GNG2: variants seen among roughly 807,000 people sequenced by gnomAD.
The protein encoded by GNG2 is G protein subunit gamma 2, also known as guanine nucleotide-binding protein G(I)/G(S)/G(O) subunit gamma-2.
A neutral mutation model predicts 5.5 loss-of-function variants in GNG2; 5 were observed. The ratio of observed to expected loss-of-function variants is 0.91; its 90% CI spans 0.48 to 1.92. The LOEUF (loss-of-function observed/expected upper bound fraction) is 1.92, where lower values mean the gene tolerates loss of function less well. GNG2 is among the 30% of genes most tolerant of loss of function. The pLI is 0.01. For missense variants in GNG2, 55 were observed against 88.4 expected, an observed-to-expected ratio of 0.62 and a Z score of 1.52; for synonymous variants, 28 against 32.0, an observed-to-expected ratio of 0.88 and a Z score of 0.42.
intron 2 of GNG2, chr14:51,827,937 G>A: frequency 1.7e-6 from 1 of 590,706 alleles, no homozygotes; most frequent in Non-Finnish European, 3.0e-6. Context: ...GACTCAGGAG[G>A]GAGCATAAAG....
chr14:51,835,287 C>T (rs1566639038), intron 2 of GNG2, among the ~76,000 whole-genome samples: 1 of 152,224 alleles, frequency 6.6e-6, no homozygotes, highest in Non-Finnish European at 1.5e-5. Flanking sequence ...AAAGACTGGG[C>T]ATCTAGGCTT....
chr14:51,939,299 T>C (rs1436223397), intron 2 of GNG2, among the ~76,000 whole-genome samples: 1 of 152,220 alleles, frequency 6.6e-6, no homozygotes, highest in Non-Finnish European at 1.5e-5. Flanking sequence ...TCGTTTCATT[T>C]TACAAAATTT....
chr14:51,951,942 CA>C (rs1566710695), intron 3 of GNG2: 1 of 700,016 alleles, frequency 1.4e-6, no homozygotes, highest in Non-Finnish European at 2.6e-6. Context: ...TGTGCGTTCC[CA>C]ACACCCAGAG....
intron 2 of GNG2, among the ~76,000 whole-genome samples, chr14:51,842,924 A>G (rs1408397858): frequency 2.6e-5 from 4 of 152,026 alleles, no homozygotes; most frequent in Non-Finnish European, 4.4e-5. Flanking sequence ...CTCGGTTTCC[A>G]GAAGTGCTGG....
At chr14:51,849,883 C>T in intron 2 of GNG2, among the ~76,000 whole-genome samples, 1 of 147,750 alleles carries the variant, frequency 6.8e-6, no homozygotes, top group Non-Finnish European at 1.5e-5. Context: ...TGTTGCAGCT[C>T]ATTGCAGCCT....
At chr14:51,936,707 T>C (rs1888030653) in intron 2 of GNG2, among the ~76,000 whole-genome samples, 1 of 152,034 alleles carries the variant, frequency 6.6e-6, no homozygotes, top group South Asian at 2.1e-4. Flanking sequence ...CATGCCACCA[T>C]GCCTGGCTAA....
intron 3 of GNG2, among the ~76,000 whole-genome samples, chr14:51,966,209 CAAAAA>C (rs34653524): frequency 3.6e-4 from 10 of 28,144 alleles, no homozygotes; most frequent in Non-Finnish European, 5.7e-4. Flanking sequence ...GACTGCATCT[CAAAAA>C]AAAAAAAAAA....
At chr14:51,851,779 C>G (rs1188998344) in intron 2 of GNG2, among the ~76,000 whole-genome samples, 2 of 152,104 alleles carry the variant, frequency 1.3e-5, no homozygotes, top group African/African-American at 2.4e-5. Flanking sequence ...TCTAGTGGTG[C>G]CTTCTCAGCT....
At position 51,851,354 on chromosome 14, in the gene GNG2, C is replaced by T. The variant is rs75106107; in HGVS notation, c.64+23547C>T. On this transcript the variant is annotated intron_variant, in intron 2 of 3. Transcript: ENST00000553432. ...AATGCTTTGATCATAAGATGCACTT[C>T]GTATCACCATCAGCTTTTGACCCAA... Among the ~76,000 whole-genome samples the T allele has an allele frequency of 3.2e-3, 484 of 152,352 alleles. 5 individuals are homozygous for T. In the East Asian group the frequency reaches 0.033, roughly 10 times the overall value.
intron 1 of GNG2, chr14:51,827,531 G>C (rs6572793): frequency 0.9 from 506,265 of 562,046 alleles, 232,550 homozygotes; most frequent in Non-Finnish European, 0.98. Context: ...GATGTAGTGA[G>C]AAAGCTAGGA....
intron 2 of GNG2, among the ~76,000 whole-genome samples, chr14:51,851,427 A>G (rs1278773558): frequency 6.6e-6 from 1 of 152,198 alleles, no homozygotes; most frequent in African/African-American, 2.4e-5. Flanking sequence ...GTACATACTA[A>G]CCTCATCATT....
intron 1 of GNG2, among the ~76,000 whole-genome samples, chr14:51,864,680 C>T (rs1882751969): frequency 6.6e-6 from 1 of 152,174 alleles, no homozygotes; most frequent in Non-Finnish European, 1.5e-5. Flanking sequence ...CAGGCTACCA[C>T]TACGGAGGCA....
intron 2 of GNG2, among the ~76,000 whole-genome samples, chr14:51,924,277 G>T (rs151154497): frequency 3.1e-3 from 467 of 152,108 alleles, no homozygotes; most frequent in Non-Finnish European, 4.6e-3. Context: ...AAGTCAAAAT[G>T]GCATACTATA....
intron 2 of GNG2, chr14:51,841,702 GTAGGAAA>G: frequency 3.4e-6 from 2 of 595,040 alleles, no homozygotes; most frequent in East Asian, 5.5e-5. Context: ...AAATCACTTT[GTAGGAAA>G]TAGGAAATTA....
intron 1 of GNG2, among the ~76,000 whole-genome samples, chr14:51,871,831 T>A (rs1347008833): frequency 6.6e-6 from 1 of 152,208 alleles, no homozygotes; most frequent in African/African-American, 2.4e-5. Context: ...GAAGTAATAG[T>A]CTGGGTTTGT....
chr14:51,883,238 T>C (rs1884223324), intron 2 of GNG2, among the ~76,000 whole-genome samples: 1 of 152,180 alleles, frequency 6.6e-6, no homozygotes, highest in Non-Finnish European at 1.5e-5. Context: ...GGACTTTAAA[T>C]TTCTTCTAGG....
chr14:51,832,603 C>T (rs1241874953), intron 2 of GNG2, among the ~76,000 whole-genome samples: 1 of 152,126 alleles, frequency 6.6e-6, no homozygotes, highest in African/African-American at 2.4e-5. Context: ...TTGAGAGGTC[C>T]AAGATCAAGG....
chr14:51,877,689 C>A (rs1320366708), intron 2 of GNG2, 32 bp downstream of exon 2: 1 of 451,176 alleles, frequency 2.2e-6, no homozygotes, highest in African/African-American at 2.0e-5. Context: ...CTTCTAGAAT[C>A]TTGAATTTAA....
intron 3 of GNG2, among the ~76,000 whole-genome samples, chr14:51,954,178 C>T (rs573193985): frequency 6.6e-6 from 1 of 152,274 alleles, no homozygotes; most frequent in East Asian, 1.9e-4. Context: ...ATCACAGACC[C>T]TGGGAGATTT....
Sources: allele counts gnomAD v4.1 joint callset (sites outside exome capture counted in the v4.1 genomes callset), GRCh38; gene constraint gnomAD v4.1.1; transcripts MANE v1.5; gene names NCBI Gene and HGNC (gene_info 2026-07-23, HGNC 2026-07-21).